Variants in TBC1D32 observed in about 807,000 individuals in gnomAD.
TBC1D32 encodes the protein TBC1 domain family member 32.
Under a neutral mutation model 170.3 loss-of-function variants are expected in TBC1D32, and 151 were observed. The observed-to-expected ratio is 0.89, with a 90% CI of 0.78 to 1.01. TBC1D32 has a LOEUF of 1.01. Among genes scored for constraint, TBC1D32 ranks in the 50% least tolerant of loss-of-function variants. The pLI is 0.00. For missense variants in TBC1D32, 1,464 were observed against 1,457.1 expected (o/e 1.00, Z -0.08); for synonymous variants, 498 against 488.0 (o/e 1.02, Z -0.27).
At chr6:121,085,874 G>A (rs1449492615) in intron 31 of TBC1D32, among the ~76,000 whole-genome samples, 7 of 152,052 alleles carry the variant, frequency 4.6e-5, no homozygotes, top group Admixed American at 4.6e-4. Context: ...TCTTGGCTAG[G>A]TTAATGAGGG....
At chr6:121,197,631 G>T (rs1330763936) in intron 22 of TBC1D32, among the ~76,000 whole-genome samples, 1 of 152,164 alleles carries the variant, frequency 6.6e-6, no homozygotes, top group South Asian at 2.1e-4. Context: ...TTGGGTTCAG[G>T]ATTGAGGCGT....
chr6:121,201,946 G>A (rs1378128368), intron 22 of TBC1D32, among the ~76,000 whole-genome samples: 1 of 151,100 alleles, frequency 6.6e-6, no homozygotes, highest in Non-Finnish European at 1.5e-5. Context: ...AGACGGTTGG[G>A]TCACTTAATG....
At chr6:121,219,211 G>A (rs988141200) in intron 21 of TBC1D32, among the ~76,000 whole-genome samples, 2 of 152,100 alleles carry the variant, frequency 1.3e-5, no homozygotes, top group Non-Finnish European at 2.9e-5. Flanking sequence ...GGGTGGAGGG[G>A]AAGAAAGCAA....
chr6:121,263,214 A>G (rs1320598678), intron 15 of TBC1D32, among the ~76,000 whole-genome samples: 5 of 146,310 alleles, frequency 3.4e-5, no homozygotes, highest in Non-Finnish European at 7.4e-5. Flanking sequence ...ACATAGGCTC[A>G]AAAAACAAAA....
At chr6:121,125,238 G>C (rs1780697862) in intron 26 of TBC1D32, among the ~76,000 whole-genome samples, 1 of 152,162 alleles carries the variant, frequency 6.6e-6, no homozygotes, top group African/African-American at 2.4e-5. Flanking sequence ...CCCATCTAGA[G>C]AACATTCTAA....
intron 22 of TBC1D32, chr6:121,170,292 G>T: frequency 9.6e-7 from 1 of 1,043,936 alleles, no homozygotes; most frequent in Non-Finnish European, 1.3e-6. Context: ...TATTTAAATT[G>T]ATTGAATTTA....
At chr6:121,177,817 A>T (rs1424523577) in intron 22 of TBC1D32, among the ~76,000 whole-genome samples, 1 of 152,206 alleles carries the variant, frequency 6.6e-6, no homozygotes, top group African/African-American at 2.4e-5. Flanking sequence ...AAGTATTTCA[A>T]AATCTGCAAT....
chr6:121,207,377 T>G (rs750565368), intron 21 of TBC1D32, among the ~76,000 whole-genome samples: 5 of 152,186 alleles, frequency 3.3e-5, no homozygotes, highest in Admixed American at 2.6e-4. Context: ...TAGTTCTGAA[T>G]CTAAGTACTA....
intron 15 of TBC1D32, among the ~76,000 whole-genome samples, chr6:121,257,679 T>C (rs1335137707): frequency 6.6e-6 from 1 of 152,178 alleles, no homozygotes; most frequent in African/African-American, 2.4e-5. Context: ...CGATAAAGTG[T>C]ATTTTTTGTT....
chr6:121,300,289 A>G (rs1583640861), intron 9 of TBC1D32, among the ~76,000 whole-genome samples: 1 of 152,144 alleles, frequency 6.6e-6, no homozygotes, highest in East Asian at 1.9e-4. Flanking sequence ...TCTACTAAAA[A>G]TATAAGAATT....
intron 3 of TBC1D32, among the ~76,000 whole-genome samples, chr6:121,313,274 ATTTT>A (rs1164149264): frequency 8.0e-6 from 1 of 125,528 alleles, no homozygotes; most frequent in Non-Finnish European, 1.7e-5. Flanking sequence ...CCTGGCCTTA[ATTTT>A]TTTTTTTTTT....
At chr6:121,115,061 A>G in intron 27 of TBC1D32, 111 bp downstream of exon 27, 8 of 737,766 alleles carry the variant, frequency 1.1e-5, no homozygotes, top group Non-Finnish European at 1.6e-5. Flanking sequence ...TAAACTCTGC[A>G]TTTAAAGTAT....
In TBC1D32 at chr6:121,282,399, A is replaced by C. The variant is rs183743403; in HGVS notation, c.1466-713T>G. Among the ~76,000 whole-genome samples the C allele has an allele frequency of 2.3e-3, 349 of 151,824 alleles. 1 individual carries two copies. Among genetic ancestry groups the C allele is most frequent in the African/African-American group, 7.9e-3 (327 of 41,536 alleles). Reference sequence around the variant, plus strand: ...TTTTTAAGGTAAGATTGTCCTAGTAAGATACAACACTTTAGTATTTAGACA... The same window carrying C: ...TTTTTAAGGTAAGATTGTCCTAGTACGATACAACACTTTAGTATTTAGACA... On this transcript the variant is annotated intron_variant, in intron 13 of 31. Transcript: ENST00000398212.
At chr6:121,176,206 C>T (rs550985609) in intron 22 of TBC1D32, among the ~76,000 whole-genome samples, 4 of 152,068 alleles carry the variant, frequency 2.6e-5, no homozygotes, top group African/African-American at 7.2e-5. Context: ...TTTTAAATAA[C>T]GTGGTCAGGA....
chr6:121,271,293 T>G (rs1801375838), intron 15 of TBC1D32, among the ~76,000 whole-genome samples: 1 of 152,046 alleles, frequency 6.6e-6, no homozygotes, highest in Admixed American at 6.6e-5. Flanking sequence ...AAATAAAGGG[T>G]ATTCAATTAG....
chr6:121,193,316 G>C (rs1790321753), intron 22 of TBC1D32, among the ~76,000 whole-genome samples: 1 of 152,132 alleles, frequency 6.6e-6, no homozygotes, highest in African/African-American at 2.4e-5. Context: ...ATCTCCTTTG[G>C]TTTAACATAG....
intron 1 of TBC1D32, among the ~76,000 whole-genome samples, chr6:121,325,674 G>A (rs1027856389): frequency 3.3e-5 from 5 of 152,150 alleles, no homozygotes; most frequent in African/African-American, 4.8e-5. Flanking sequence ...AAAAACCCTA[G>A]AAGAAAACTT....
chr6:121,334,018 G>T (rs997689064), intron 1 of TBC1D32, among the ~76,000 whole-genome samples: 1 of 152,148 alleles, frequency 6.6e-6, no homozygotes, highest in African/African-American at 2.4e-5. Flanking sequence ...AGTGAGCGGA[G>T]ATCGAGCCAT....
intron 22 of TBC1D32, among the ~76,000 whole-genome samples, chr6:121,179,218 T>C (rs1673117493): frequency 6.6e-6 from 1 of 151,408 alleles, no homozygotes; most frequent in African/African-American, 2.4e-5. Context: ...ACACTAAATA[T>C]ATAGATATTT....
Sources: allele counts gnomAD v4.1 joint callset (sites outside exome capture counted in the v4.1 genomes callset), GRCh38; gene constraint gnomAD v4.1.1; transcripts MANE v1.5; gene names NCBI Gene and HGNC (gene_info 2026-07-23, HGNC 2026-07-21).